The following FNIP2 variants were observed in gnomAD, a reference collection of about 807,000 sequenced individuals.
FNIP2 encodes folliculin-interacting protein 2.
A neutral mutation model predicts 108.7 loss-of-function variants in FNIP2; 32 were observed. That is an observed-to-expected ratio of 0.29 (90% confidence interval 0.22 to 0.40). FNIP2 has a LOEUF of 0.40. Among genes scored for constraint, FNIP2 ranks in the 10% least tolerant of loss-of-function variants. The pLI, the probability that FNIP2 is intolerant of heterozygous loss-of-function variation, is 1.00. For missense variants in FNIP2, 1,202 were observed against 1,381.6 expected, an observed-to-expected ratio of 0.87 and a Z score of 2.06; for synonymous variants, 480 against 496.7, an observed-to-expected ratio of 0.97 and a Z score of 0.45.
chr4:158,898,025 T>C (rs1233892145), intron 16 of FNIP2, among the ~76,000 whole-genome samples: 2 of 152,176 alleles, frequency 1.3e-5, no homozygotes, highest in Admixed American at 6.5e-5. Context: ...AAAGGTGTAA[T>C]GAAGGGTTCC....
At chr4:158,851,248 T>G in intron 7 of FNIP2, 73 bp from the exon 8 acceptor site, 4 of 1,516,414 alleles carry the variant, frequency 2.6e-6, no homozygotes, top group East Asian at 2.3e-5. Context: ...AAATACATTC[T>G]TAATGTTGTG....
At chr4:158,785,768 G>T (rs932162199) in intron 1 of FNIP2, among the ~76,000 whole-genome samples, 1 of 146,260 alleles carries the variant, frequency 6.8e-6, no homozygotes, top group Non-Finnish European at 1.5e-5. Flanking sequence ...TTCTATACCA[G>T]TTCCAGTTTA....
chr4:158,883,361 C>T (rs1349034296), intron 14 of FNIP2, among the ~76,000 whole-genome samples: 4 of 152,084 alleles, frequency 2.6e-5, no homozygotes, highest in African/African-American at 9.7e-5. Flanking sequence ...CCTGCCTCAG[C>T]CTCCCGAGTA....
rs1048736830 is a variant in FNIP2, at chr4:158,798,063, TTTG to T, written c.108-27841_108-27839del. On this transcript the variant is annotated intron_variant, in intron 1 of 16. Transcript: ENST00000264433. Reference sequence around the variant, plus strand: ...AGGTTTTTTTGTTTTTGTTTAAATTTTTGTTGTTGTTGTTTTTTAGAGACAGGG... The same window carrying T: ...AGGTTTTTTTGTTTTTGTTTAAATTTTTGTTGTTGTTTTTTAGAGACAGGG... Among the ~76,000 whole-genome samples, 13 of 152,170 alleles carry T rather than the reference TTTG, an allele frequency of 8.5e-5. 1 individual carries two copies. Among genetic ancestry groups the T allele is most frequent in the East Asian group, 1.9e-4 (1 of 5,176 alleles).
At chr4:158,878,166 C>A (rs370307251) in intron 14 of FNIP2, among the ~76,000 whole-genome samples, 1 of 152,224 alleles carries the variant, frequency 6.6e-6, no homozygotes, top group African/African-American at 2.4e-5. Flanking sequence ...TAAACCAAAG[C>A]AGTAAGCATG....
At chr4:158,881,436 TC>T (rs2126744163) in intron 14 of FNIP2, among the ~76,000 whole-genome samples, 1 of 145,716 alleles carries the variant, frequency 6.9e-6, no homozygotes, top group African/African-American at 2.6e-5. Context: ...TTCCACGGTC[TC>T]CCTCTCCCTC....
intron 1 of FNIP2, among the ~76,000 whole-genome samples, chr4:158,811,111 G>T (rs932928895): frequency 6.6e-6 from 1 of 152,118 alleles, no homozygotes; most frequent in African/African-American, 2.4e-5. Context: ...CACCCTGTGG[G>T]TTATAAAAAC....
At chr4:158,775,845 A>G (rs946965526) in intron 1 of FNIP2, among the ~76,000 whole-genome samples, 1 of 152,160 alleles carries the variant, frequency 6.6e-6, no homozygotes, top group African/African-American at 2.4e-5. Flanking sequence ...TATTAGCATG[A>G]GTTTGGATCC....
At chr4:158,866,370 A>G (rs1189532343) in intron 12 of FNIP2, among the ~76,000 whole-genome samples, 1 of 148,668 alleles carries the variant, frequency 6.7e-6, no homozygotes, top group African/African-American at 2.5e-5. Context: ...GGTGTCTGCC[A>G]CCACGCCTGG....
chr4:158,870,567 G>T, intron 14 of FNIP2, 98 bp downstream of exon 14: 2 of 1,444,132 alleles, frequency 1.4e-6, no homozygotes, highest in Non-Finnish European at 9.3e-7. Flanking sequence ...ACTAGTTAAG[G>T]GGTTGTTTAT....
intron 1 of FNIP2, among the ~76,000 whole-genome samples, chr4:158,810,743 A>C (rs1474650592): frequency 3.9e-5 from 6 of 152,238 alleles, no homozygotes; most frequent in Non-Finnish European, 7.3e-5. Flanking sequence ...GTTATTAATC[A>C]CCATAGCTAA....
At chr4:158,781,391 G>A (rs1040033594) in intron 1 of FNIP2, among the ~76,000 whole-genome samples, 1 of 152,224 alleles carries the variant, frequency 6.6e-6, no homozygotes, top group African/African-American at 2.4e-5. Context: ...AATTGTGCAA[G>A]TTGTTGCAAG....
chr4:158,881,614 C>G (rs910058531), intron 14 of FNIP2, among the ~76,000 whole-genome samples: 1 of 152,232 alleles, frequency 6.6e-6, no homozygotes, highest in Non-Finnish European at 1.5e-5. Context: ...CCACGCCTGA[C>G]TGGTTTTCGT....
chr4:158,832,236 A>C (rs1778527012), intron 5 of FNIP2, 98 bp downstream of exon 5: 1 of 931,194 alleles, frequency 1.1e-6, no homozygotes, highest in Non-Finnish European at 1.6e-6. Flanking sequence ...TTGAAATGAC[A>C]AGCAGAATGA....
intron 1 of FNIP2, 85 bp downstream of exon 1, chr4:158,769,404 G>A: frequency 2.1e-6 from 2 of 938,020 alleles, no homozygotes; most frequent in Non-Finnish European, 2.9e-6. Flanking sequence ...AGGGGAAAGG[G>A]AAGGGACTGT....
intron 7 of FNIP2, among the ~76,000 whole-genome samples, chr4:158,845,401 T>C (rs1779346357): frequency 6.6e-6 from 1 of 152,162 alleles, no homozygotes; most frequent in Non-Finnish European, 1.5e-5. Context: ...GGAGAGCCCA[T>C]GTTGCTGTCT....
chr4:158,785,303 C>T lies in FNIP2; in HGVS notation c.107+15984C>T, dbSNP rs191263171. On this transcript the variant is annotated intron_variant, in intron 1 of 16. Coordinates refer to ENST00000264433, the MANE Select transcript of FNIP2 (RefSeq NM_020840.3). The stretch of plus-strand genomic sequence containing the variant: ...GTTTCATCTTGTTGGCCAGGATGGT[C>T]GCGATCTCTTGACCTTGAGTTCCGC... Among the ~76,000 whole-genome samples the T allele has an allele frequency of 1.2e-3, 188 of 152,030 alleles. 1 individual carries two copies. In the Middle Eastern group the frequency reaches 0.027, roughly 22 times the overall value.
intron 10 of FNIP2, among the ~76,000 whole-genome samples, chr4:158,860,887 C>A (rs1206068199): frequency 6.6e-6 from 1 of 152,064 alleles, no homozygotes; most frequent in African/African-American, 2.4e-5. Flanking sequence ...TATCTCTTGA[C>A]CTTGTAATCC....
At chr4:158,804,353 C>T (rs1470501104) in intron 1 of FNIP2, among the ~76,000 whole-genome samples, 1 of 152,040 alleles carries the variant, frequency 6.6e-6, no homozygotes, top group Non-Finnish European at 1.5e-5. Flanking sequence ...AATGTCAAGA[C>T]CCAGACTAAT....
Sources: allele counts gnomAD v4.1 joint callset (sites outside exome capture counted in the v4.1 genomes callset), GRCh38; gene constraint gnomAD v4.1.1; transcripts MANE v1.5; gene names NCBI Gene and HGNC (gene_info 2026-07-23, HGNC 2026-07-21).